SPON1: variants seen among roughly 807,000 people sequenced by gnomAD.
SPON1 encodes the protein spondin-1.
SPON1 carries 52 observed loss-of-function variants against 111.7 expected under a neutral mutation model. The ratio of observed to expected loss-of-function variants is 0.47; its 90% CI spans 0.37 to 0.59. SPON1 has a LOEUF of 0.59. SPON1 is among the 20% of genes least tolerant of loss of function. The pLI, the probability that SPON1 is intolerant of heterozygous loss-of-function variation, is 0.00. For missense variants in SPON1, 957 were observed against 1,068.5 expected (o/e 0.90, Z 1.46); for synonymous variants, 410 against 395.8 (o/e 1.04, Z -0.43).
rs782015392 is a variant in SPON1, at chr11:14,075,351, C to A, written c.486C>A (p.Ser162Arg). The A allele has an allele frequency of 6.4e-7, 1 of 1,557,868 alleles. No individual in the cohort carries two copies. Among genetic ancestry groups the A allele is most frequent in the East Asian group, 2.4e-5 (1 of 41,890 alleles). Reference sequence around the variant, plus strand: ...GGGTCTTCTTTCTTCACAGGGCCAGCATCGTACAAAAACGCATTATTTATT... The same window carrying A: ...GGGTCTTCTTTCTTCACAGGGCCAGAATCGTACAAAAACGCATTATTTATT... The part of the protein sequence containing the change: ...AGTGCVILKA[S>R]IVQKRIIYFQ... Residue 162 changes from serine to arginine, a missense_variant, in exon 4 of 16, where the codon AGC becomes AGA. By Grantham distance (110) the Ser-to-Arg change is moderately radical. Around this residue, in one of 5 missense-constraint regions of SPON1, gnomAD observed 262 missense variants for 253.9 expected, o/e 1.03. Coordinates refer to ENST00000576479, the MANE Select transcript of SPON1 (RefSeq NM_006108.4).
At chr11:14,043,642 G>A (rs1554917553) in intron 3 of SPON1, among the ~76,000 whole-genome samples, 2 of 152,198 alleles carry the variant, frequency 1.3e-5, no homozygotes, top group Non-Finnish European at 2.9e-5. Flanking sequence ...AAGATGGGCT[G>A]AAAATGTCAG....
intron 1 of SPON1, among the ~76,000 whole-genome samples, chr11:13,977,326 A>G (rs1554909132): frequency 6.6e-6 from 1 of 152,242 alleles, no homozygotes; most frequent in Admixed American, 6.5e-5. Flanking sequence ...TGAAAGTTCT[A>G]GTTAACATCA....
chr11:14,111,094 C>G (rs1244142457), intron 5 of SPON1, among the ~76,000 whole-genome samples: 1 of 152,194 alleles, frequency 6.6e-6, no homozygotes, highest in African/African-American at 2.4e-5. Context: ...AAGACAGAAT[C>G]TAAACCTTCT....
chr11:14,080,108 C>T, intron 5 of SPON1, 87 bp downstream of exon 5: 1 of 1,493,438 alleles, frequency 6.7e-7, no homozygotes, highest in Non-Finnish European at 9.2e-7. Context: ...TGCAGCATGT[C>T]AGATCTGCTC....
intron 5 of SPON1, among the ~76,000 whole-genome samples, chr11:14,119,643 G>A (rs1252533327): frequency 1.3e-5 from 2 of 152,150 alleles, no homozygotes; most frequent in African/African-American, 4.8e-5. Context: ...GTGATACAGG[G>A]CACCAAATGT....
At chr11:14,235,016 C>G (rs78906781) in intron 6 of SPON1, among the ~76,000 whole-genome samples, 1 of 152,192 alleles carries the variant, frequency 6.6e-6, no homozygotes, top group African/African-American at 2.4e-5. Context: ...AGGTTCAGAA[C>G]CTGTGAGCTC....
At chr11:13,991,245 C>A (rs1394844266) in intron 2 of SPON1, among the ~76,000 whole-genome samples, 1 of 152,160 alleles carries the variant, frequency 6.6e-6, no homozygotes, top group Non-Finnish European at 1.5e-5. Context: ...CACATAGTCC[C>A]ATATTTCTTG....
intron 3 of SPON1, among the ~76,000 whole-genome samples, chr11:14,057,337 T>A (rs1848752368): frequency 6.6e-6 from 1 of 152,220 alleles, no homozygotes; most frequent in South Asian, 2.1e-4. Context: ...TCAAATATTT[T>A]ACAGAATAAA....
intron 2 of SPON1, among the ~76,000 whole-genome samples, chr11:14,027,599 C>T (rs1331824738): frequency 1.3e-5 from 2 of 152,180 alleles, no homozygotes; most frequent in Non-Finnish European, 2.9e-5. Flanking sequence ...ATTGCAAACC[C>T]CATTAGTGTA....
At chr11:14,083,621 A>G (rs1172285569) in intron 5 of SPON1, among the ~76,000 whole-genome samples, 1 of 152,214 alleles carries the variant, frequency 6.6e-6, no homozygotes, top group Non-Finnish European at 1.5e-5. Flanking sequence ...TGAGTTATGC[A>G]GATTGTGCAA....
chr11:14,081,719 A>C (rs1046007310), intron 5 of SPON1, among the ~76,000 whole-genome samples: 6 of 152,090 alleles, frequency 3.9e-5, no homozygotes, highest in Admixed American at 3.9e-4. Context: ...AGAGATTAAA[A>C]AGAGGGATTT....
At chr11:14,064,355 C>T (rs1385926994) in intron 3 of SPON1, among the ~76,000 whole-genome samples, 2 of 152,194 alleles carry the variant, frequency 1.3e-5, no homozygotes, top group Non-Finnish European at 2.9e-5. Context: ...AGGGACAGGT[C>T]ACTTCTGATG....
chr11:14,162,471 A>T (rs1284522490), intron 6 of SPON1, among the ~76,000 whole-genome samples: 1 of 152,242 alleles, frequency 6.6e-6, no homozygotes, highest in Non-Finnish European at 1.5e-5. Flanking sequence ...CCAATAATTT[A>T]TCACCCCTGA....
intron 6 of SPON1, among the ~76,000 whole-genome samples, chr11:14,199,098 C>T (rs1554935360): frequency 6.6e-6 from 1 of 152,086 alleles, no homozygotes; most frequent in Non-Finnish European, 1.5e-5. Flanking sequence ...TTACTAAGCA[C>T]CTAAATATCA....
At position 14,243,412 on chromosome 11, in the gene SPON1, C is replaced by T; in HGVS notation, c.890+16C>T. 3.2e-6 allele frequency: 5 copies of T among 1,561,210 alleles called. No individual in the cohort carries two copies. Among genetic ancestry groups the T allele is most frequent in the Non-Finnish European group, 4.3e-6 (5 of 1,152,000 alleles). ...CTCTCAACGTGTAAGTAACACAAGT[C>T]CCTTGCCTGGCCTGTCTTATCCTAG... On this transcript the variant is annotated intron_variant, in intron 7 of 15. Coordinates refer to ENST00000576479, the MANE Select transcript of SPON1 (RefSeq NM_006108.4).
At chr11:14,108,523 A>G (rs1401775478) in intron 5 of SPON1, among the ~76,000 whole-genome samples, 2 of 152,222 alleles carry the variant, frequency 1.3e-5, no homozygotes, top group Non-Finnish European at 2.9e-5. Flanking sequence ...GTCATCCCTA[A>G]CTTCACAAAT....
rs1230208557 is a variant in SPON1, at chr11:14,266,281, T to A, written c.*594T>A. On this transcript the variant is annotated 3_prime_UTR_variant, in exon 16 of 16. Transcript: ENST00000576479. ...CTTTCACTGAGAAATTCGGAATACA[T>A]TTGTCTCACCCCTGATATTGGTTCC... is the stretch of plus-strand genomic sequence containing the variant. 6.6e-6 allele frequency: 1 copy of A among 152,136 alleles called. No individual in the cohort carries two copies. The highest frequency in any genetic ancestry group is 2.4e-5 in the African/African-American group (1 of 41,410). The allele number at this position is 152,136 out of a possible 1,614,324, so 9.4% of individuals were successfully genotyped here. A position where few individuals can be genotyped will look rare whatever the true frequency, so the allele number is the denominator to read the frequency against.
chr11:14,041,905 A>G (rs1360628698), intron 3 of SPON1, among the ~76,000 whole-genome samples: 7 of 152,160 alleles, frequency 4.6e-5, no homozygotes, highest in Admixed American at 1.3e-4. Flanking sequence ...AGATAATTAT[A>G]TTAGGGCTGG....
intron 6 of SPON1, among the ~76,000 whole-genome samples, chr11:14,235,062 C>T (rs1292610878): frequency 6.6e-6 from 1 of 152,190 alleles, no homozygotes; most frequent in African/African-American, 2.4e-5. Context: ...TGTATGCTGT[C>T]CCTTCCCCTC....
Sources: gnomAD v4.1 joint callset for allele counts (sites outside exome capture counted in the v4.1 genomes callset) on GRCh38, gnomAD v4.1.1 for gene constraint, gnomAD v4.1.1 regional missense constraint, MANE v1.5 for transcripts, NCBI Gene and HGNC (gene_info 2026-07-23, HGNC 2026-07-21) for gene names.